The following UBE2W variants were observed in gnomAD, a reference collection of about 807,000 sequenced individuals.
The protein encoded by UBE2W is ubiquitin conjugating enzyme E2 W.
In UBE2W, 18 loss-of-function variants were observed where a neutral mutation model predicts 27.2. The ratio of observed to expected loss-of-function variants is 0.66; its 90% CI spans 0.46 to 0.98. The LOEUF (loss-of-function observed/expected upper bound fraction) is 0.98. Among genes scored for constraint, UBE2W ranks in the 50% least tolerant of loss-of-function variants. UBE2W has a pLI of 0.00. For missense variants in UBE2W, 90 were observed against 180.2 expected, an observed-to-expected ratio of 0.50 and a Z score of 2.87; for synonymous variants, 53 against 57.2, an observed-to-expected ratio of 0.93 and a Z score of 0.33.
intron 1 of UBE2W, among the ~76,000 whole-genome samples, chr8:73,868,496 C>G (rs1485388504): frequency 6.6e-6 from 1 of 152,150 alleles, no homozygotes; most frequent in Admixed American, 6.6e-5. Context: ...GTGAGCTGAT[C>G]TAGCAAATTA....
chr8:73,822,631 A>AAT (rs1809667615), intron 3 of UBE2W, among the ~76,000 whole-genome samples: 2 of 141,694 alleles, frequency 1.4e-5, no homozygotes, highest in Non-Finnish European at 1.5e-5. Flanking sequence ...AAAAAAAAAA[A>AAT]AAATTAGCTG....
intron 1 of UBE2W, among the ~76,000 whole-genome samples, chr8:73,837,509 G>C (rs1810358563): frequency 6.6e-6 from 1 of 151,160 alleles, no homozygotes; most frequent in African/African-American, 2.4e-5. Context: ...TGAGACTCTT[G>C]TCTTAAAAAA....
downstream of UBE2W, among the ~76,000 whole-genome samples, chr8:73,783,594 T>C (rs1807882508): frequency 6.6e-6 from 1 of 152,178 alleles, no homozygotes; most frequent in African/African-American, 2.4e-5. Flanking sequence ...ATCCTTTGTC[T>C]GGATTACTGA....
chr8:73,817,806 C>T (rs1343194768), intron 3 of UBE2W, among the ~76,000 whole-genome samples: 1 of 152,216 alleles, frequency 6.6e-6, no homozygotes. Flanking sequence ...AGCCACCACG[C>T]CCAGTTGTGG....
chr8:73,877,853 A>AAAAAAC (rs1225541038), intron 1 of UBE2W, among the ~76,000 whole-genome samples: 1 of 76,076 alleles, frequency 1.3e-5, no homozygotes, highest in African/African-American at 1.7e-4. Context: ...AACAAAAAAC[A>AAAAAAC]AAAAAACCCA....
chr8:73,789,307 TAAAAAAAAAAAAAAAAAAAAAA>T lies in UBE2W; in HGVS notation c.*4773_*4794del, dbSNP rs10652083. 18 of 40,044 alleles carry T rather than the reference TAAAAAAAAAAAAAAAAAAAAAA, an allele frequency of 4.5e-4. 1 individual carries two copies. The highest frequency in any genetic ancestry group is 7.4e-4 in the Non-Finnish European group (16 of 21,764). The allele number at this position is 40,044 out of a possible 1,614,324, so 2.5% of individuals were successfully genotyped here. ...GCAACATGGTGAGACCTCGTGTCTT[TAAAAAAAAAAAAAAAAAAAAAA>T]AAAAAAAAAAAAATTCTATCCATCC... On this transcript the variant is annotated 3_prime_UTR_variant, in exon 6 of 6. Coordinates refer to ENST00000602593, the MANE Select transcript of UBE2W (RefSeq NM_018299.6).
chr8:73,832,014 C>T (rs905520670), intron 1 of UBE2W: 2 of 151,706 alleles, frequency 1.3e-5, no homozygotes, highest in African/African-American at 4.8e-5. Context: ...CTCATGAATA[C>T]AATCTCAGCG....
chr8:73,832,269 C>T (rs1236136459), intron 1 of UBE2W, among the ~76,000 whole-genome samples: 1 of 151,772 alleles, frequency 6.6e-6, no homozygotes, highest in Non-Finnish European at 1.5e-5. Context: ...CCACTGCACT[C>T]CAGCCTAAGT....
intron 1 of UBE2W, among the ~76,000 whole-genome samples, chr8:73,850,597 A>G (rs1251806948): frequency 6.6e-6 from 1 of 152,102 alleles, no homozygotes; most frequent in East Asian, 1.9e-4. Context: ...CCATTTACCT[A>G]AAGTTTAAAA....
intron 1 of UBE2W, among the ~76,000 whole-genome samples, chr8:73,852,558 C>T (rs1563621236): frequency 2.0e-5 from 3 of 152,094 alleles, no homozygotes; most frequent in Non-Finnish European, 4.4e-5. Flanking sequence ...TTCATTTAAG[C>T]CAACCATTTT....
intron 1 of UBE2W, 44 bp from the exon 2 acceptor site, chr8:73,830,516 G>A: frequency 6.5e-7 from 1 of 1,527,076 alleles, no homozygotes; most frequent in Non-Finnish European, 9.1e-7. Flanking sequence ...TTGAGACTAG[G>A]TCTGGGTCAC....
At chr8:73,869,333 G>A (rs934439874) in intron 1 of UBE2W, among the ~76,000 whole-genome samples, 12 of 152,124 alleles carry the variant, frequency 7.9e-5, no homozygotes, top group Middle Eastern at 3.2e-3. Context: ...CGAGGCGGGC[G>A]GATCACAAGG....
chr8:73,858,829 C>T (rs960664238), intron 1 of UBE2W, among the ~76,000 whole-genome samples: 1 of 151,790 alleles, frequency 6.6e-6, no homozygotes, highest in Non-Finnish European at 1.5e-5. Flanking sequence ...ACTTGCAAGG[C>T]TTGCAAGGAC....
intron 1 of UBE2W, among the ~76,000 whole-genome samples, chr8:73,847,125 C>A (rs576628154): frequency 4.6e-5 from 7 of 152,028 alleles, no homozygotes; most frequent in African/African-American, 1.5e-4. Flanking sequence ...GCCAAGATTG[C>A]GCCACCGCAT....
chr8:73,838,408 A>G (rs1234882713), intron 1 of UBE2W, among the ~76,000 whole-genome samples: 1 of 152,140 alleles, frequency 6.6e-6, no homozygotes, highest in African/African-American at 2.4e-5. Context: ...TCTACTCTAG[A>G]TCACTACAAC....
intron 1 of UBE2W, among the ~76,000 whole-genome samples, chr8:73,867,089 T>C (rs186504235): frequency 2.7e-4 from 41 of 152,304 alleles, no homozygotes; most frequent in African/African-American, 8.9e-4. Flanking sequence ...AAAGAATTCT[T>C]ATAATTCAAC....
downstream of UBE2W, among the ~76,000 whole-genome samples, chr8:73,783,915 C>A (rs1212660262): frequency 6.6e-6 from 1 of 152,134 alleles, no homozygotes; most frequent in Non-Finnish European, 1.5e-5. Flanking sequence ...GCACATGCCA[C>A]CAGCCTGGCT....
intron 3 of UBE2W, among the ~76,000 whole-genome samples, chr8:73,817,452 T>C (rs981417241): frequency 5.3e-5 from 8 of 152,232 alleles, no homozygotes; most frequent in Non-Finnish European, 8.8e-5. Flanking sequence ...ATGGAAGAAC[T>C]TTCTCTTGGA....
chr8:73,872,798 A>C (rs771052180), intron 1 of UBE2W, among the ~76,000 whole-genome samples: 13 of 152,096 alleles, frequency 8.5e-5, no homozygotes, highest in Non-Finnish European at 1.3e-4. Context: ...AGGTTACTTT[A>C]TGTATCATAT....
Sources: allele counts gnomAD v4.1 joint callset (sites outside exome capture counted in the v4.1 genomes callset), GRCh38; gene constraint gnomAD v4.1.1; transcripts MANE v1.5; gene names NCBI Gene and HGNC (gene_info 2026-07-23, HGNC 2026-07-21).